The following ECI2 variants were observed in gnomAD, a reference collection of about 807,000 sequenced individuals.
The protein encoded by ECI2 is D3,D2-enoyl-CoA isomerase.
ECI2 carries 27 observed loss-of-function variants against 38.4 expected under a neutral mutation model. The ratio of observed to expected loss-of-function variants is 0.70; its 90% CI spans 0.52 to 0.97. The LOEUF (loss-of-function observed/expected upper bound fraction) is 0.97, where lower values mean the gene tolerates loss of function less well. Ranked by LOEUF, ECI2 falls within the 50% of genes least tolerant of loss-of-function variation. The pLI, the probability that ECI2 is intolerant of heterozygous loss-of-function variation, is 0.00. For synonymous variants in ECI2, 168 were observed against 172.0 expected, an observed-to-expected ratio of 0.98 and a Z score of 0.18; for missense variants, 470 against 474.4, an observed-to-expected ratio of 0.99 and a Z score of 0.09.
intron 5 of ECI2, among the ~76,000 whole-genome samples, chr6:4,126,790 G>A: frequency 6.6e-6 from 1 of 152,206 alleles, no homozygotes; most frequent in East Asian, 1.9e-4. Flanking sequence ...GCCACTGAAA[G>A]TATGTTTCTG....
At chr6:4,127,659 T>A in intron 5 of ECI2, 103 bp downstream of exon 5, 1 of 1,167,584 alleles carries the variant, frequency 8.6e-7, no homozygotes, top group Non-Finnish European at 1.2e-6. Flanking sequence ...GGGAGCCACC[T>A]GCCTCGGCCT....
At chr6:4,133,950 G>GT (rs1466790567) in intron 1 of ECI2, among the ~76,000 whole-genome samples, 4 of 152,212 alleles carry the variant, frequency 2.6e-5, no homozygotes, top group African/African-American at 9.7e-5. Flanking sequence ...ATCCAGGGAG[G>GT]TATCTGTAAG....
chr6:4,131,437 G>C (rs1773505184), intron 2 of ECI2, among the ~76,000 whole-genome samples: 1 of 152,146 alleles, frequency 6.6e-6, no homozygotes, highest in Non-Finnish European at 1.5e-5. Flanking sequence ...TTTGAGGCTA[G>C]GTGGAGTGGG....
At chr6:4,116,302 G>T (rs1286665246) in intron 9 of ECI2, among the ~76,000 whole-genome samples, 1 of 151,880 alleles carries the variant, frequency 6.6e-6, no homozygotes, top group Non-Finnish European at 1.5e-5. Flanking sequence ...AGTGAGCTGA[G>T]ATCGCACCAT....
chr6:4,126,104 C>T (rs1424394236), intron 6 of ECI2, 31 bp downstream of exon 6: 7 of 1,582,630 alleles, frequency 4.4e-6, no homozygotes, highest in Non-Finnish European at 6.1e-6. Context: ...AACGGGCCCT[C>T]TGGGATCAGA....
Position 4,130,384 on chromosome 6 carries a change from G to T in ECI2, c.489C>A (p.Ala163=). The T allele has an allele frequency of 6.2e-7, 1 of 1,614,202 alleles. No individual in the cohort carries two copies. Among genetic ancestry groups the T allele is most frequent in the Non-Finnish European group, 8.5e-7 (1 of 1,180,024 alleles). ...IMFNRPKKKN[A]INTEMYHEIM... ...CAGGTAACATTACCTCAGTGTTTATGGCATTTTTCTTTTTGGGCCGGTTGA... is the reference window on the plus strand; with the variant it reads ...CAGGTAACATTACCTCAGTGTTTATTGCATTTTTCTTTTTGGGCCGGTTGA... The change falls in exon 4 of 10, where the codon GCC becomes GCA. Residue 163 remains alanine, a synonymous_variant. Transcript: ENST00000380118.
intron 4 of ECI2, 125 bp from the exon 5 acceptor site, chr6:4,127,956 T>C: frequency 2.4e-6 from 2 of 849,574 alleles, no homozygotes; most frequent in Non-Finnish European, 3.5e-6. Context: ...ATTTTGGTTG[T>C]ATTTTATAAC....
chr6:4,119,534 T>G (rs1772541266), intron 7 of ECI2, among the ~76,000 whole-genome samples: 1 of 152,172 alleles, frequency 6.6e-6, no homozygotes, highest in Non-Finnish European at 1.5e-5. Flanking sequence ...TTGGCCAGGT[T>G]GGTTTCAAAC....
chr6:4,123,799 T>C (rs1772966167), intron 7 of ECI2, among the ~76,000 whole-genome samples: 1 of 151,806 alleles, frequency 6.6e-6, no homozygotes, highest in South Asian at 2.1e-4. Context: ...AAACCCTGTC[T>C]CTACTAAAAA....
In ECI2 at chr6:4,115,806, C is replaced by A; in HGVS notation, c.*68G>T. The A allele has an allele frequency of 6.5e-7, 1 of 1,548,992 alleles. No individual in the cohort carries two copies. Among genetic ancestry groups the A allele is most frequent in the South Asian group, 1.3e-5 (1 of 79,330 alleles). ...AAGGCACAATGAAGCTTATTTAGTT[C>A]CAGTACTGGAAATCAGAGGTAACAG... is the stretch of plus-strand genomic sequence containing the variant. On this transcript the variant is annotated 3_prime_UTR_variant, in exon 10 of 10. Transcript: ENST00000380118.
At chr6:4,127,400 G>T in intron 5 of ECI2, among the ~76,000 whole-genome samples, 1 of 131,544 alleles carries the variant, frequency 7.6e-6, no homozygotes. Context: ...AAAGATCTTA[G>T]AGCCTTTTTT....
chr6:4,128,420 T>C (rs1185785014), intron 4 of ECI2, among the ~76,000 whole-genome samples: 2 of 152,180 alleles, frequency 1.3e-5, no homozygotes, highest in Admixed American at 1.3e-4. Flanking sequence ...CTGAAAATCT[T>C]GGACAAGCAG....
Position 4,126,244 on chromosome 6 carries a change from G to A in ECI2, c.572-7C>T, listed in dbSNP as rs368230357. ...CTGTAATAGTCACCATTTCCTATAA[G>A]TAAGAAAATCAACAGATCCCTCATT... On this transcript the variant is annotated splice_region_variant and splice_polypyrimidine_tract_variant and intron_variant, in intron 5 of 9. Coordinates refer to ENST00000380118, the MANE Select transcript of ECI2 (RefSeq NM_206836.3). The A allele has an allele frequency of 6.9e-6, 11 of 1,605,240 alleles. No individual in the cohort carries two copies. Among genetic ancestry groups the A allele is most frequent in the African/African-American group, 1.3e-5 (1 of 74,688 alleles).
chr6:4,128,037 C>G (rs1029866992), intron 4 of ECI2, among the ~76,000 whole-genome samples: 6 of 152,124 alleles, frequency 3.9e-5, no homozygotes, highest in Non-Finnish European at 7.4e-5. Context: ...TATTATGTAC[C>G]TGGTGCTATG....
chr6:4,122,224 C>CT (rs34646177), intron 7 of ECI2, among the ~76,000 whole-genome samples: 44,329 of 142,864 alleles, frequency 0.31, 6,808 homozygotes, highest in Admixed American at 0.36. Context: ...TCCTTCTTTG[C>CT]TTTTTTTTTT....
chr6:4,122,107 A>T, intron 7 of ECI2: 3 of 1,076,232 alleles, frequency 2.8e-6, no homozygotes, highest in Non-Finnish European at 2.8e-6. Flanking sequence ...AGAGAGCAGC[A>T]GGTGGAGTTA....
In ECI2 at chr6:4,125,382, G is replaced by T; in HGVS notation, c.675-12C>A. On this transcript the variant is annotated splice_polypyrimidine_tract_variant and intron_variant, in intron 6 of 9. Coordinates refer to ENST00000380118, the MANE Select transcript of ECI2 (RefSeq NM_206836.3). Reference sequence around the variant, plus strand: ...AGCCCACAAATTCCCTACAGAAATGGAAACACAAAATCATTAAATGTGCCA... The same window carrying T: ...AGCCCACAAATTCCCTACAGAAATGTAAACACAAAATCATTAAATGTGCCA... 1 of 1,613,836 alleles carries T rather than the reference G, an allele frequency of 6.2e-7. No individual in the cohort carries two copies. The highest frequency in any genetic ancestry group is 8.5e-7 in the Non-Finnish European group (1 of 1,180,010).
At chr6:4,120,949 C>G (rs1027488232) in intron 7 of ECI2, among the ~76,000 whole-genome samples, 1 of 152,168 alleles carries the variant, frequency 6.6e-6, no homozygotes, top group African/African-American at 2.4e-5. Flanking sequence ...GGGTGAATCT[C>G]TTTTAAATTA....
chr6:4,123,057 T>G (rs1772909288), intron 7 of ECI2, among the ~76,000 whole-genome samples: 1 of 152,200 alleles, frequency 6.6e-6, no homozygotes. Flanking sequence ...TTATATGGGT[T>G]AAATATTAAC....
Sources: gnomAD v4.1 joint callset for allele counts (sites outside exome capture counted in the v4.1 genomes callset) on GRCh38, gnomAD v4.1.1 for gene constraint, MANE v1.5 for transcripts, NCBI Gene and HGNC (gene_info 2026-07-23, HGNC 2026-07-21) for gene names.